Variants in GRIN2B observed in about 807,000 individuals in gnomAD.
GRIN2B encodes glutamate ionotropic receptor NMDA type subunit 2B.
A neutral mutation model predicts 114.5 loss-of-function variants in GRIN2B; 5 were observed. The ratio of observed to expected loss-of-function variants is 0.04; its 90% confidence interval spans 0.02 to 0.09. The LOEUF is 0.09. Ranked by LOEUF, GRIN2B falls within the 10% of genes least tolerant of loss-of-function variation. The pLI, the probability that GRIN2B is intolerant of heterozygous loss-of-function variation, is 1.00. For synonymous variants in GRIN2B, 787 were observed against 745.1 expected (o/e 1.06, Z -0.92); for missense variants, 1,108 against 1,943.5 (o/e 0.57, Z 8.08).
intron 2 of GRIN2B, among the ~76,000 whole-genome samples, chr12:13,917,063 CT>C (rs1346502941): frequency 4.6e-5 from 7 of 152,078 alleles, no homozygotes; most frequent in Admixed American, 4.6e-4. Flanking sequence ...GCATTCCACA[CT>C]AAGGGGCAAG....
intron 10 of GRIN2B, among the ~76,000 whole-genome samples, chr12:13,603,576 A>C (rs965275295): frequency 6.6e-6 from 1 of 152,102 alleles, no homozygotes; most frequent in Non-Finnish European, 1.5e-5. Context: ...GCTGAAAAAA[A>C]TCTTACCTGG....
At chr12:13,581,291 C>G (rs1308553890) in intron 10 of GRIN2B, among the ~76,000 whole-genome samples, 2 of 152,180 alleles carry the variant, frequency 1.3e-5, no homozygotes, top group Non-Finnish European at 2.9e-5. Flanking sequence ...CTGACATTAT[C>G]TTCCTTAGCC....
intron 3 of GRIN2B, among the ~76,000 whole-genome samples, chr12:13,819,445 A>C (rs899862118): frequency 2.6e-5 from 4 of 152,232 alleles, no homozygotes; most frequent in African/African-American, 9.6e-5. Flanking sequence ...ATGTTGTCCA[A>C]AAACCCTTAC....
At chr12:13,814,293 C>G (rs1162206920) in intron 3 of GRIN2B, among the ~76,000 whole-genome samples, 3 of 152,242 alleles carry the variant, frequency 2.0e-5, no homozygotes, top group South Asian at 2.1e-4. Context: ...ACGAAGAGAG[C>G]GAAGAGCCAA....
chr12:13,846,978 C>T (rs977271502), intron 3 of GRIN2B, among the ~76,000 whole-genome samples: 8 of 151,956 alleles, frequency 5.3e-5, no homozygotes, highest in African/African-American at 1.7e-4. Flanking sequence ...TTAAAAGAGG[C>T]CAAACACGTG....
chr12:13,870,202 C>A (rs556986695), intron 2 of GRIN2B, among the ~76,000 whole-genome samples: 1 of 152,306 alleles, frequency 6.6e-6, no homozygotes, highest in African/African-American at 2.4e-5. Context: ...GCGACCTCCA[C>A]TGACAGCTTA....
intron 4 of GRIN2B, among the ~76,000 whole-genome samples, chr12:13,678,764 G>T (rs1339647265): frequency 6.6e-6 from 1 of 151,992 alleles, no homozygotes. Flanking sequence ...CCAACCAAAG[G>T]CCCTGAAGAA....
At chr12:13,919,328 G>T (rs1024088814) in intron 2 of GRIN2B, among the ~76,000 whole-genome samples, 3 of 152,082 alleles carry the variant, frequency 2.0e-5, no homozygotes, top group Admixed American at 1.3e-4. Context: ...TCAAGTTAGG[G>T]ATTAAAAACT....
intron 5 of GRIN2B, among the ~76,000 whole-genome samples, chr12:13,648,763 C>T (rs1565488445): frequency 2.0e-5 from 3 of 151,834 alleles, no homozygotes. Context: ...AATCTCTGCC[C>T]TGGAGGATCT....
chr12:13,917,451 G>A (rs565574792), intron 2 of GRIN2B, among the ~76,000 whole-genome samples: 1 of 152,144 alleles, frequency 6.6e-6, no homozygotes, highest in African/African-American at 2.4e-5. Flanking sequence ...ACTTAAATAA[G>A]AGGCACTAAA....
intron 5 of GRIN2B, among the ~76,000 whole-genome samples, chr12:13,650,147 T>C (rs953541755): frequency 6.6e-5 from 10 of 152,082 alleles, no homozygotes; most frequent in African/African-American, 2.4e-4. Flanking sequence ...CTCCAGAGTC[T>C]AGGCATTTGA....
intron 2 of GRIN2B, among the ~76,000 whole-genome samples, chr12:13,868,028 T>C (rs942757834): frequency 2.6e-5 from 4 of 152,160 alleles, no homozygotes; most frequent in Non-Finnish European, 5.9e-5. Context: ...AGGGCATTAA[T>C]GATTTGGGAG....
chr12:13,825,496 T>TTTTTTTTTTGTGTGTGTGTG (rs375940899), intron 3 of GRIN2B, among the ~76,000 whole-genome samples: 3 of 122,992 alleles, frequency 2.4e-5, no homozygotes, highest in African/African-American at 6.2e-5. Context: ...TATATATATT[T>TTTTTTTTTTGTGTGTGTGTG]TGTGTGTGTG....
chr12:13,596,665 T>A (rs1949077595), intron 10 of GRIN2B, among the ~76,000 whole-genome samples: 1 of 152,242 alleles, frequency 6.6e-6, no homozygotes, highest in Non-Finnish European at 1.5e-5. Context: ...ATATTCGATG[T>A]CTTTTTGATT....
chr12:13,600,434 G>C (rs1291972685), intron 10 of GRIN2B, among the ~76,000 whole-genome samples: 1 of 152,112 alleles, frequency 6.6e-6, no homozygotes, highest in Non-Finnish European at 1.5e-5. Flanking sequence ...TGAGTGCTAA[G>C]TTACTATTTA....
intron 2 of GRIN2B, among the ~76,000 whole-genome samples, chr12:13,954,705 TG>T: frequency 6.7e-6 from 1 of 149,884 alleles, no homozygotes; most frequent in African/African-American, 2.5e-5. Context: ...GCAGCTACTC[TG>T]GAGGCTGAAG....
At chr12:13,937,656 A>G (rs1011975742) in intron 2 of GRIN2B, among the ~76,000 whole-genome samples, 1 of 152,184 alleles carries the variant, frequency 6.6e-6, no homozygotes, top group Admixed American at 6.6e-5. Context: ...CTACAAGAAG[A>G]AATAAGATGT....
chr12:13,878,063 CAAAAA>C (rs71067735), intron 2 of GRIN2B, among the ~76,000 whole-genome samples: 2 of 73,230 alleles, frequency 2.7e-5, no homozygotes. Flanking sequence ...GACTCTGTCT[CAAAAA>C]AAAAAAAAAA....
chr12:13,879,504 GAAATT>G (rs557775540), intron 2 of GRIN2B, among the ~76,000 whole-genome samples: 3 of 148,218 alleles, frequency 2.0e-5, no homozygotes, highest in Non-Finnish European at 3.0e-5. Flanking sequence ...ATGCAGAAAA[GAAATT>G]AGAATTAGTA....
Sources: allele counts gnomAD v4.1 joint callset (sites outside exome capture counted in the v4.1 genomes callset), GRCh38; gene constraint gnomAD v4.1.1; transcripts MANE v1.5; gene names NCBI Gene and HGNC (gene_info 2026-07-23, HGNC 2026-07-21).